Variants in ZNF91 observed in about 807,000 individuals in gnomAD.
ZNF91 encodes zinc finger protein 91 (HPF7, HTF10).
ZNF91 carries 7 observed loss-of-function variants against 12.6 expected under a neutral mutation model. The observed-to-expected ratio is 0.55, with a 90% CI of 0.31 to 1.04. The LOEUF (loss-of-function observed/expected upper bound fraction) is 1.04, where lower values mean the gene tolerates loss of function less well. Ranked by LOEUF, ZNF91 falls within the 50% of genes least tolerant of loss-of-function variation. The pLI, the probability that ZNF91 is intolerant of heterozygous loss-of-function variation, is 0.05. For missense variants in ZNF91, 1,217 were observed against 1,385.4 expected, an observed-to-expected ratio of 0.88 and a Z score of 1.93; for synonymous variants, 453 against 462.6, an observed-to-expected ratio of 0.98 and a Z score of 0.27.
intron 1 of ZNF91, among the ~76,000 whole-genome samples, chr19:23,392,724 A>C (rs1024417300): frequency 1.3e-5 from 2 of 152,146 alleles, no homozygotes; most frequent in African/African-American, 4.8e-5. Flanking sequence ...GTTTGAATCC[A>C]GGAGGCAGAG....
In ZNF91 at chr19:23,318,216, C is replaced by T. The variant is rs559698490; in HGVS notation, n.117-9119G>A. On this transcript the variant is annotated intron_variant and non_coding_transcript_variant, in intron 1 of 1. Coordinates refer to the ZNF91 transcript ENST00000596528. ...GTGATTCTCCTGTCTGTACCCTGCCCACATGGCCCATTGTGATATATTACT... is the reference window on the plus strand; with the variant it reads ...GTGATTCTCCTGTCTGTACCCTGCCTACATGGCCCATTGTGATATATTACT... 4.1e-4 allele frequency among the ~76,000 whole-genome samples: 63 copies of T among 152,310 alleles called. No homozygotes were observed. In the South Asian group the frequency reaches 0.013, roughly 31 times the overall value.
chr19:23,376,355 T>G (rs1411883555), intron 1 of ZNF91, among the ~76,000 whole-genome samples: 2 of 152,044 alleles, frequency 1.3e-5, no homozygotes, highest in Non-Finnish European at 2.9e-5. Context: ...AGAAATATTT[T>G]CAGAGATCCT....
intron 1 of ZNF91, among the ~76,000 whole-genome samples, chr19:23,309,777 A>G (rs979339774): frequency 2.6e-5 from 4 of 152,164 alleles, no homozygotes; most frequent in Non-Finnish European, 5.9e-5. Context: ...AGGTTATAAA[A>G]GGTTACCACT....
At chr19:23,337,316 A>G (rs1367842862), downstream of ZNF91, among the ~76,000 whole-genome samples, 1 of 152,076 alleles carries the variant, frequency 6.6e-6, no homozygotes, top group Admixed American at 6.5e-5. Context: ...AAACACACAC[A>G]TACACAGACA....
At chr19:23,317,818 T>C (rs1302162043) in intron 1 of ZNF91, among the ~76,000 whole-genome samples, 1 of 152,176 alleles carries the variant, frequency 6.6e-6, no homozygotes, top group African/African-American at 2.4e-5. Flanking sequence ...ACAGACCTAG[T>C]CCACCATTAA....
At chr19:23,366,662 C>G (rs916387023) in intron 3 of ZNF91, among the ~76,000 whole-genome samples, 1 of 152,184 alleles carries the variant, frequency 6.6e-6, no homozygotes, top group East Asian at 1.9e-4. Flanking sequence ...AGATAACAGA[C>G]AGAGCAAGTA....
intron 1 of ZNF91, among the ~76,000 whole-genome samples, chr19:23,379,284 A>G (rs1273427038): frequency 6.6e-6 from 1 of 152,218 alleles, no homozygotes; most frequent in Non-Finnish European, 1.5e-5. Flanking sequence ...GTTGACTGGA[A>G]GCCTGAGAGG....
chr19:23,382,383 T>C (rs1397525161), intron 1 of ZNF91, among the ~76,000 whole-genome samples: 1 of 152,172 alleles, frequency 6.6e-6, no homozygotes. Context: ...GAATAAAGCA[T>C]GTTCTCAGAG....
At chr19:23,309,987 T>G (rs1380333570) in intron 1 of ZNF91, among the ~76,000 whole-genome samples, 1 of 152,138 alleles carries the variant, frequency 6.6e-6, no homozygotes, top group Non-Finnish European at 1.5e-5. Context: ...GACATTCATT[T>G]GTGAATTTCT....
At chr19:23,347,572 C>T (rs1274285381) in intron 3 of ZNF91, among the ~76,000 whole-genome samples, 1 of 152,090 alleles carries the variant, frequency 6.6e-6, no homozygotes, top group African/African-American at 2.4e-5. Context: ...AAACAAGGAC[C>T]ATGGTATGTC....
At chr19:23,341,719 AAAAT>A in intron 3 of ZNF91, among the ~76,000 whole-genome samples, 1 of 152,208 alleles carries the variant, frequency 6.6e-6, no homozygotes, top group East Asian at 1.9e-4. Flanking sequence ...ATATTAAAAA[AAAAT>A]AGAGAAGTAA....
At chr19:23,376,440 A>G (rs1969507448) in intron 1 of ZNF91, among the ~76,000 whole-genome samples, 1 of 148,430 alleles carries the variant, frequency 6.7e-6, no homozygotes, top group South Asian at 2.1e-4. Context: ...CCCAGACTGG[A>G]GTGGAATGGC....
chr19:23,375,002 A>G (rs1414517450), intron 1 of ZNF91, among the ~76,000 whole-genome samples: 4 of 152,200 alleles, frequency 2.6e-5, no homozygotes, highest in African/African-American at 9.7e-5. Flanking sequence ...TGTCTAGATG[A>G]TAAAGTGTAA....
At position 23,359,482 on chromosome 19, in the gene ZNF91, C is replaced by A; in HGVS notation, c.3497G>T (p.Trp1166Leu). The A allele has an allele frequency of 1.2e-6, 2 of 1,611,360 alleles. No individual in the cohort carries two copies. Among genetic ancestry groups the A allele is most frequent in the South Asian group, 1.1e-5 (1 of 91,002 alleles). Residue 1166 changes from tryptophan (W) to leucine (L), a missense_variant, in exon 4 of 4, where the codon TGG (tryptophan) becomes TTG (leucine). Trp to Leu is a moderately conservative substitution (Grantham distance 61). Around this residue, in one of 2 missense-constraint regions of ZNF91, gnomAD observed 491 missense variants for 489.8 expected, o/e 1.00. Coordinates refer to ENST00000300619, the MANE Select transcript of ZNF91 (RefSeq NM_003430.4). The stretch of plus-strand genomic sequence containing the variant: ...TCGTGATCCGCCCGCCTCGGCCTCC[C>A]AAAGTAGTGGGATTACAGGTGTGAT... Reference protein sequence around the residue: ...HTITPVIPLLWEAEAGGSRGQ... With the variant: ...HTITPVIPLLLEAEAGGSRGQ...
In ZNF91 at chr19:23,361,461, A is replaced by T; in HGVS notation, c.1518T>A (p.Thr506=). ...GKAFRQSSTL[T]KHKIIHTGEK... ...CTCCAGTATGAATTATCTTATGTTT[A>T]GTAAGGGTTGAGGATTGCCTAAAAG... Residue 506 remains threonine, a synonymous_variant, in exon 4 of 4, where the codon ACT becomes ACA. Transcript: ENST00000300619. 1 of 1,613,514 alleles carries T rather than the reference A, an allele frequency of 6.2e-7. No homozygotes were observed. Among genetic ancestry groups the T allele is most frequent in the Non-Finnish European group, 8.5e-7 (1 of 1,179,664 alleles).
At chr19:23,349,989 C>T (rs981170738) in intron 3 of ZNF91, among the ~76,000 whole-genome samples, 4 of 152,170 alleles carry the variant, frequency 2.6e-5, no homozygotes, top group Non-Finnish European at 4.4e-5. Flanking sequence ...CCCATATATA[C>T]TCTAAATATA....
In ZNF91 at chr19:23,359,245, C is replaced by T. The variant is rs1034534374; in HGVS notation, c.*158G>A. ...AATTTTCTTTTTTTTTTTTTTGAGACGGAGTCTCGCTCTGTCGCCCAGGCT... is the reference window on the plus strand; with the variant it reads ...AATTTTCTTTTTTTTTTTTTTGAGATGGAGTCTCGCTCTGTCGCCCAGGCT... On this transcript the variant is annotated 3_prime_UTR_variant, in exon 4 of 4. Transcript: ENST00000300619. 14 of 335,956 alleles carry T rather than the reference C, an allele frequency of 4.2e-5. No individual in the cohort carries two copies. The highest frequency in any genetic ancestry group is 1.0e-4 in the South Asian group (3 of 29,580). The allele number at this position is 335,956 out of a possible 1,614,324, so 20.8% of individuals were successfully genotyped here. A position where few individuals can be genotyped will look rare whatever the true frequency, so the allele number is the denominator to read the frequency against.
At chr19:23,355,374 A>G (rs180912325), downstream of ZNF91, among the ~76,000 whole-genome samples, 618 of 152,312 alleles carry the variant, frequency 4.1e-3, 9 homozygotes, top group African/African-American at 0.014. Flanking sequence ...CTTTCAACAA[A>G]TGGTTCTGGG....
At chr19:23,356,864 T>C (rs1168259260), downstream of ZNF91, among the ~76,000 whole-genome samples, 1 of 151,990 alleles carries the variant, frequency 6.6e-6, no homozygotes, top group East Asian at 1.9e-4. Flanking sequence ...GAGGCCGAGG[T>C]GAGTGGATCA....
Sources: allele counts gnomAD v4.1 joint callset (sites outside exome capture counted in the v4.1 genomes callset), GRCh38; gene constraint gnomAD v4.1.1; regional missense constraint gnomAD v4.1.1; transcripts MANE v1.5; gene names NCBI Gene and HGNC (gene_info 2026-07-23, HGNC 2026-07-21).